The following RETREG3 variants were observed in gnomAD, a reference collection of about 807,000 sequenced individuals.
RETREG3 encodes the protein reticulophagy regulator family member 3.
In RETREG3, 23 loss-of-function variants were observed where a neutral mutation model predicts 50.2. The ratio of observed to expected loss-of-function variants is 0.46; its 90% CI spans 0.33 to 0.65. RETREG3 has a LOEUF of 0.65. RETREG3 is among the 30% of genes least tolerant of loss of function. RETREG3 has a pLI of 0.02. For missense variants in RETREG3, 546 were observed against 598.0 expected (o/e 0.91, Z 0.91); for synonymous variants, 240 against 234.4 (o/e 1.02, Z -0.22).
intron 1 of RETREG3, 62 bp downstream of exon 1, chr17:42,609,024 G>C: frequency 3.3e-6 from 5 of 1,503,032 alleles, no homozygotes; most frequent in South Asian, 1.2e-5. Context: ...GCGAGAAGTA[G>C]AGCCCTAGAG....
chr17:42,607,806 TAAA>T (rs781582346), intron 1 of RETREG3, among the ~76,000 whole-genome samples: 1 of 138,032 alleles, frequency 7.2e-6, no homozygotes, highest in African/African-American at 2.7e-5. Context: ...AACTCTGTCT[TAAA>T]AAAAAAAAAA....
chr17:42,598,658 T>C (rs1267855955), intron 1 of RETREG3: 1 of 152,220 alleles, frequency 6.6e-6, no homozygotes, highest in African/African-American at 2.4e-5. Flanking sequence ...TTAACATTTA[T>C]CTTGCAAATC....
rs1236047881 is a variant in RETREG3, at chr17:42,588,320, G to A, written c.347-456C>T. ...TGCCCAGCCTGGAGTGCAGTGGCACGATCTTGGCTCACTGCAAGCTCCGCC... is the reference window on the plus strand; with the variant it reads ...TGCCCAGCCTGGAGTGCAGTGGCACAATCTTGGCTCACTGCAAGCTCCGCC... On this transcript the variant is annotated intron_variant, in intron 2 of 8. Transcript: ENST00000309428. 2.6e-5 allele frequency among the ~76,000 whole-genome samples: 4 copies of A among 152,152 alleles called. No homozygotes were observed. The East Asian group carries it at 7.7e-4, about 29-fold the overall frequency.
intron 6 of RETREG3, 102 bp from the exon 7 acceptor site, chr17:42,583,682 C>T: frequency 1.9e-6 from 2 of 1,048,470 alleles, no homozygotes; most frequent in Non-Finnish European, 2.7e-6. Flanking sequence ...AAGAGCCTCT[C>T]TGAATCTGGC....
intron 4 of RETREG3, 110 bp downstream of exon 4, chr17:42,586,655 T>C: frequency 2.1e-6 from 3 of 1,447,804 alleles, no homozygotes; most frequent in Non-Finnish European, 2.8e-6. Context: ...TCTATGAACA[T>C]CATAGTCTTT....
chr17:42,587,948 G>T, intron 2 of RETREG3, 84 bp from the exon 3 acceptor site: 2 of 1,465,314 alleles, frequency 1.4e-6, no homozygotes, highest in Non-Finnish European at 1.9e-6. Flanking sequence ...GACAGCTCAA[G>T]TTTTAATAGG....
chr17:42,597,546 GTATA>G (rs1567925263), intron 1 of RETREG3, among the ~76,000 whole-genome samples: 4 of 105,626 alleles, frequency 3.8e-5, no homozygotes, highest in Non-Finnish European at 5.6e-5. Context: ...TATATATTTC[GTATA>G]TATATTTTTG....
At chr17:42,604,694 CAAAAAAAAAA>C (rs1007735904) in intron 1 of RETREG3, among the ~76,000 whole-genome samples, 7 of 44,518 alleles carry the variant, frequency 1.6e-4, no homozygotes, top group African/African-American at 3.3e-4. Context: ...GATTCCCCAG[CAAAAAAAAAA>C]AAAAAAAAAA....
intron 2 of RETREG3, 24 bp from the exon 3 acceptor site, chr17:42,587,888 G>C (rs577432944): frequency 6.2e-7 from 1 of 1,613,730 alleles, no homozygotes; most frequent in East Asian, 2.2e-5. Flanking sequence ...ACAAACACCA[G>C]CATTAGTTGG....
At chr17:42,608,928 G>C (rs1275547172) in intron 1 of RETREG3, 158 bp downstream of exon 1, 4 of 693,262 alleles carry the variant, frequency 5.8e-6, no homozygotes, top group Non-Finnish European at 9.5e-6. Context: ...GGGTGCCGAA[G>C]CCTGCAGGCG....
chr17:42,604,114 T>C (rs1195269082), intron 1 of RETREG3, among the ~76,000 whole-genome samples: 1 of 152,226 alleles, frequency 6.6e-6, no homozygotes, highest in Non-Finnish European at 1.5e-5. Flanking sequence ...TAACTCAGAA[T>C]TGCTGTATAT....
chr17:42,588,676 G>C (rs1414373107), intron 2 of RETREG3, among the ~76,000 whole-genome samples: 1 of 150,242 alleles, frequency 6.7e-6, no homozygotes, highest in Admixed American at 6.6e-5. Context: ...TTATTTTTTT[G>C]AGACAGAATC....
chr17:42,586,175 T>C, intron 4 of RETREG3, 38 bp from the exon 5 acceptor site: 3 of 1,603,794 alleles, frequency 1.9e-6, no homozygotes, highest in Non-Finnish European at 2.6e-6. Flanking sequence ...TTCTGTCACA[T>C]GGCAGGGGAC....
intron 5 of RETREG3, among the ~76,000 whole-genome samples, chr17:42,585,571 G>A (rs895879901): frequency 2.0e-5 from 3 of 152,154 alleles, no homozygotes; most frequent in Non-Finnish European, 2.9e-5. Flanking sequence ...CAAATCATGC[G>A]AGGTTTTGAT....
At chr17:42,591,913 A>T in intron 2 of RETREG3, 143 bp downstream of exon 2, 1 of 644,460 alleles carries the variant, frequency 1.6e-6, no homozygotes, top group Non-Finnish European at 2.5e-6. Context: ...AAGCCCTTCA[A>T]GTGCCTCCTA....
chr17:42,603,482 C>CA (rs764599012), intron 1 of RETREG3, among the ~76,000 whole-genome samples: 23 of 151,816 alleles, frequency 1.5e-4, no homozygotes, highest in Non-Finnish European at 3.1e-4. Context: ...TTGTTGCTTG[C>CA]AAAAAAACCA....
chr17:42,596,873 A>ATT (rs11420307), intron 1 of RETREG3, among the ~76,000 whole-genome samples: 2,216 of 144,240 alleles, frequency 0.015, 55 homozygotes, highest in African/African-American at 0.048. Context: ...GTTTGGAAGA[A>ATT]TTTTTTTTTT....
chr17:42,607,499 CA>C (rs34542887), intron 1 of RETREG3, among the ~76,000 whole-genome samples: 78 of 46,936 alleles, frequency 1.7e-3, no homozygotes, highest in African/African-American at 3.3e-3. Context: ...GACCTTGTCT[CA>C]AAAAAAAAAA....
intron 1 of RETREG3, among the ~76,000 whole-genome samples, chr17:42,606,025 A>G (rs1342274368): frequency 6.8e-6 from 1 of 147,848 alleles, no homozygotes; most frequent in African/African-American, 2.5e-5. Flanking sequence ...TCACATCCTC[A>G]TTTTGTTGTC....
Sources: allele counts gnomAD v4.1 joint callset (sites outside exome capture counted in the v4.1 genomes callset), GRCh38; gene constraint gnomAD v4.1.1; transcripts MANE v1.5; gene names NCBI Gene and HGNC (gene_info 2026-07-23, HGNC 2026-07-21).